ZNF407: variants seen among roughly 807,000 people sequenced by gnomAD.
ZNF407 encodes zinc finger protein 407.
Under a neutral mutation model 131.2 loss-of-function variants are expected in ZNF407, and 17 were observed. That is an observed-to-expected ratio of 0.13 (90% CI 0.09 to 0.19). The LOEUF (loss-of-function observed/expected upper bound fraction) is 0.19, where lower values mean the gene tolerates loss of function less well. Among genes scored for constraint, ZNF407 ranks in the 10% least tolerant of loss-of-function variants. The pLI is 1.00. For missense variants in ZNF407, 2,681 were observed against 2,830.6 expected, an observed-to-expected ratio of 0.95 and a Z score of 1.20; for synonymous variants, 1,156 against 1,062.0, an observed-to-expected ratio of 1.09 and a Z score of -1.72.
At chr18:74,870,134 G>A (rs1483127749) in intron 4 of ZNF407, among the ~76,000 whole-genome samples, 2 of 152,126 alleles carry the variant, frequency 1.3e-5, no homozygotes, top group Non-Finnish European at 2.9e-5. Context: ...TTAATATTCT[G>A]CTTAATGCTC....
At chr18:74,695,611 C>T (rs1040274525) in intron 3 of ZNF407, among the ~76,000 whole-genome samples, 1 of 151,240 alleles carries the variant, frequency 6.6e-6, no homozygotes, top group Non-Finnish European at 1.5e-5. Flanking sequence ...ATTCCTTACA[C>T]CTAACAACCA....
chr18:74,719,900 A>G (rs890338992), intron 3 of ZNF407, among the ~76,000 whole-genome samples: 5 of 152,008 alleles, frequency 3.3e-5, no homozygotes, highest in Admixed American at 2.0e-4. Flanking sequence ...TTATCCATTC[A>G]TCTGTTGTTG....
chr18:74,652,457 G>A (rs956519000), intron 3 of ZNF407, among the ~76,000 whole-genome samples: 9 of 151,708 alleles, frequency 5.9e-5, no homozygotes, highest in Admixed American at 3.3e-4. Context: ...TGGAACTTAC[G>A]GTATTTTAAT....
At chr18:74,912,250 T>C (rs189776801) in intron 7 of ZNF407, among the ~76,000 whole-genome samples, 5 of 152,300 alleles carry the variant, frequency 3.3e-5, no homozygotes, top group Admixed American at 3.3e-4. Context: ...TATTAATTTA[T>C]TATTGGCCCG....
At chr18:74,720,053 ATT>A (rs796447841) in intron 3 of ZNF407, among the ~76,000 whole-genome samples, 208 of 147,984 alleles carry the variant, frequency 1.4e-3, no homozygotes, top group African/African-American at 2.1e-3. Context: ...ATCTATTTGT[ATT>A]TTTTTTTTGA....
chr18:74,737,931 T>C (rs1334210228), intron 3 of ZNF407, among the ~76,000 whole-genome samples: 1 of 152,192 alleles, frequency 6.6e-6, no homozygotes, highest in Non-Finnish European at 1.5e-5. Flanking sequence ...AAAAACACAA[T>C]GGCAGCTTTC....
chr18:75,014,599 T>G (rs1432533307), intron 8 of ZNF407, among the ~76,000 whole-genome samples: 1 of 152,112 alleles, frequency 6.6e-6, no homozygotes, highest in Non-Finnish European at 1.5e-5. Flanking sequence ...GGTCAGATTC[T>G]TAACTTTTTT....
In ZNF407 at chr18:74,921,168, C is replaced by T. The variant is rs571583914; in HGVS notation, c.5428+476C>T. The T allele has an allele frequency of 3.5e-5, 12 of 347,006 alleles. No individual in the cohort carries two copies. In the South Asian group the frequency reaches 4.7e-4, roughly 14 times the overall value. 21.5% of individuals were successfully genotyped at this position (347,006 alleles called of 1,614,324 possible). On this transcript the variant is annotated intron_variant, in intron 8 of 8. Coordinates refer to ENST00000299687, the MANE Select transcript of ZNF407 (RefSeq NM_017757.3). Reference sequence around the variant, plus strand: ...CGTAGTGGGTGGTAACGGTGCTGTGCGTTTCCCAGAAATTGGGAGGGGGCT... The same window carrying T: ...CGTAGTGGGTGGTAACGGTGCTGTGTGTTTCCCAGAAATTGGGAGGGGGCT...
chr18:74,672,535 A>G (rs752194933), intron 3 of ZNF407, among the ~76,000 whole-genome samples: 7 of 146,512 alleles, frequency 4.8e-5, no homozygotes, highest in East Asian at 2.0e-4. Flanking sequence ...CCGTTTGTTC[A>G]TTGGAGCACT....
chr18:74,623,509 G>GA (rs1390000570), intron 1 of ZNF407, among the ~76,000 whole-genome samples: 1 of 152,112 alleles, frequency 6.6e-6, no homozygotes, highest in Non-Finnish European at 1.5e-5. Flanking sequence ...AAAATGAAGG[G>GA]AAAAATGTCA....
intron 8 of ZNF407, among the ~76,000 whole-genome samples, chr18:74,941,008 G>T (rs180752628): frequency 6.6e-6 from 1 of 152,110 alleles, no homozygotes; most frequent in Non-Finnish European, 1.5e-5. Context: ...GTTAGCTCGG[G>T]GTGACCTAAC....
At chr18:74,678,924 T>C (rs1397588864) in intron 3 of ZNF407, among the ~76,000 whole-genome samples, 1 of 152,076 alleles carries the variant, frequency 6.6e-6, no homozygotes. Flanking sequence ...TGTTTAGGAA[T>C]ACTTAAACAA....
At chr18:75,041,527 T>C (rs1973372914) in intron 8 of ZNF407, among the ~76,000 whole-genome samples, 1 of 151,558 alleles carries the variant, frequency 6.6e-6, no homozygotes, top group African/African-American at 2.4e-5. Flanking sequence ...TCCTACGATG[T>C]CTTTTTAGCC....
intron 1 of ZNF407, among the ~76,000 whole-genome samples, chr18:74,623,046 ATG>A (rs1983608173): frequency 1.0e-5 from 1 of 95,996 alleles, no homozygotes; most frequent in African/African-American, 3.1e-5. Flanking sequence ...GTGTGTGTGA[ATG>A]AGTGCATGTG....
At chr18:74,969,035 C>T (rs890001349) in intron 8 of ZNF407, among the ~76,000 whole-genome samples, 3 of 152,136 alleles carry the variant, frequency 2.0e-5, no homozygotes, top group Admixed American at 6.5e-5. Flanking sequence ...CCTCTGTCAT[C>T]GCCACTCCAT....
chr18:74,735,021 G>A (rs1208802827), intron 3 of ZNF407, among the ~76,000 whole-genome samples: 2 of 152,116 alleles, frequency 1.3e-5, no homozygotes, highest in African/African-American at 4.8e-5. Context: ...ACTAGTTACA[G>A]TGAAAGAACA....
intron 3 of ZNF407, among the ~76,000 whole-genome samples, chr18:74,780,971 C>G (rs576788313): frequency 1.3e-5 from 2 of 152,238 alleles, no homozygotes; most frequent in African/African-American, 4.8e-5. Flanking sequence ...AACCTCTCTT[C>G]AAGTTATTAC....
intron 6 of ZNF407, among the ~76,000 whole-genome samples, 174 bp from the exon 7 acceptor site, chr18:74,889,744 A>G (rs957752348): frequency 1.3e-5 from 2 of 152,182 alleles, no homozygotes; most frequent in Non-Finnish European, 2.9e-5. Flanking sequence ...GATATCTTCT[A>G]ATTTTCTCAC....
intron 3 of ZNF407, among the ~76,000 whole-genome samples, chr18:74,689,610 A>G (rs1339989906): frequency 1.3e-5 from 2 of 152,214 alleles, no homozygotes; most frequent in African/African-American, 4.8e-5. Flanking sequence ...TGTTTTAGAA[A>G]TCTCTAAGCA....
Sources: gnomAD v4.1 joint callset for allele counts (sites outside exome capture counted in the v4.1 genomes callset) on GRCh38, gnomAD v4.1.1 for gene constraint, MANE v1.5 for transcripts, NCBI Gene and HGNC (gene_info 2026-07-23, HGNC 2026-07-21) for gene names.